Variants in CYP19A1 observed in about 807,000 individuals in gnomAD.
CYP19A1 encodes the protein aromatase.
A neutral mutation model predicts 44.4 loss-of-function variants in CYP19A1; 32 were observed. The ratio of observed to expected loss-of-function variants is 0.72; its 90% confidence interval spans 0.54 to 0.97. The LOEUF is 0.97. Among genes scored for constraint, CYP19A1 ranks in the 50% least tolerant of loss-of-function variants. The probability of loss-of-function intolerance (pLI) is 0.00; values close to 1 mark genes in which losing one functional copy is unlikely to be tolerated. For synonymous variants in CYP19A1, 212 were observed against 215.6 expected (o/e 0.98, Z 0.14); for missense variants, 598 against 637.8 (o/e 0.94, Z 0.67).
At chr15:51,271,944 A>T (rs558992339) in intron 1 of CYP19A1, among the ~76,000 whole-genome samples, 4 of 152,212 alleles carry the variant, frequency 2.6e-5, no homozygotes, top group African/African-American at 9.6e-5. Flanking sequence ...TTATCTGTTC[A>T]CTACATCCAA....
At chr15:51,251,371 C>G (rs528939950) in intron 1 of CYP19A1, among the ~76,000 whole-genome samples, 1 of 152,312 alleles carries the variant, frequency 6.6e-6, no homozygotes, top group Non-Finnish European at 1.5e-5. Flanking sequence ...CAAGATTTGT[C>G]ACACTGCGGT....
chr15:51,291,734 C>T (rs186316477), intron 1 of CYP19A1, among the ~76,000 whole-genome samples: 1 of 152,080 alleles, frequency 6.6e-6, no homozygotes, highest in Admixed American at 6.5e-5. Context: ...CATGGAAACC[C>T]CACGAGTAGG....
At chr15:51,302,991 C>G (rs1011774218) in intron 1 of CYP19A1, among the ~76,000 whole-genome samples, 1 of 152,216 alleles carries the variant, frequency 6.6e-6, no homozygotes, top group Non-Finnish European at 1.5e-5. Context: ...GGCTGGGAGT[C>G]TGCTTCTTCC....
At chr15:51,316,012 A>G (rs1035570792) in intron 1 of CYP19A1, 4 of 152,204 alleles carry the variant, frequency 2.6e-5, no homozygotes, top group African/African-American at 7.2e-5. Flanking sequence ...CATCAAGGAA[A>G]AAGCCCTGAT....
chr15:51,231,631 A>G (rs2033042550), intron 3 of CYP19A1, among the ~76,000 whole-genome samples: 1 of 150,908 alleles, frequency 6.6e-6, no homozygotes, highest in Non-Finnish European at 1.5e-5. Context: ...ATGCGCACAC[A>G]TGTGTGCGCA....
At chr15:51,328,627 T>G (rs2036651850) in intron 1 of CYP19A1, among the ~76,000 whole-genome samples, 1 of 150,072 alleles carries the variant, frequency 6.7e-6, no homozygotes, top group African/African-American at 2.5e-5. Context: ...ACAGCTGGAG[T>G]TGAGAGTCAT....
At chr15:51,226,876 C>T (rs2899473) in intron 4 of CYP19A1, among the ~76,000 whole-genome samples, 17,943 of 152,046 alleles carry the variant, frequency 0.12, 2,112 homozygotes, top group African/African-American at 0.28. Flanking sequence ...ATCATAACTT[C>T]GTTGGAACTT....
chr15:51,235,128 T>G (rs1192730071), intron 3 of CYP19A1, among the ~76,000 whole-genome samples: 1 of 152,182 alleles, frequency 6.6e-6, no homozygotes, highest in African/African-American at 2.4e-5. Flanking sequence ...GTTGTAAAAG[T>G]GACTCAAGTA....
intron 1 of CYP19A1, among the ~76,000 whole-genome samples, chr15:51,329,239 G>T (rs1169665605): frequency 6.6e-6 from 1 of 152,092 alleles, no homozygotes; most frequent in East Asian, 1.9e-4. Flanking sequence ...GGCCACAACA[G>T]CCCTTGGTTC....
In CYP19A1 at chr15:51,212,353, G is replaced by C. The variant is rs775991900; in HGVS notation, c.1230C>G (p.Pro410=). The C allele has an allele frequency of 4.4e-6, 7 of 1,600,544 alleles. No individual in the cohort carries two copies. In the South Asian group the frequency reaches 7.7e-5, roughly 18 times the overall value. The change falls in exon 9 of 10, where the codon CCC becomes CCG. Residue 410 remains proline, a synonymous_variant. Coordinates refer to ENST00000396402, the MANE Select transcript of CYP19A1 (RefSeq NM_000103.4). The stretch of plus-strand genomic sequence containing the variant: ...CAAAATTTTCAAGAGTAAATTCATT[G>C]GGTTTGGGGAAAAACTCGAGTCTGT... ...RMHRLEFFPK[P]NEFTLENFAK... is the part of the protein sequence containing the mutation.
chr15:51,298,592 C>G (rs2036047265), intron 1 of CYP19A1, among the ~76,000 whole-genome samples: 1 of 152,198 alleles, frequency 6.6e-6, no homozygotes, highest in African/African-American at 2.4e-5. Flanking sequence ...AAGGACTCTT[C>G]TAGCTTGGCC....
intron 1 of CYP19A1, among the ~76,000 whole-genome samples, chr15:51,331,397 A>C (rs191156246): frequency 6.6e-6 from 1 of 152,306 alleles, no homozygotes; most frequent in East Asian, 1.9e-4. Flanking sequence ...CAGCCAAGAC[A>C]TTCCTCCTCT....
intron 1 of CYP19A1, among the ~76,000 whole-genome samples, chr15:51,282,034 G>T (rs1042782510): frequency 1.3e-5 from 2 of 152,218 alleles, no homozygotes; most frequent in African/African-American, 4.8e-5. Flanking sequence ...CTTGCCCCTT[G>T]TTGGTTCCCT....
intron 1 of CYP19A1, among the ~76,000 whole-genome samples, chr15:51,272,283 C>T (rs2035155601): frequency 6.6e-6 from 1 of 152,148 alleles, no homozygotes; most frequent in Admixed American, 6.5e-5. Flanking sequence ...TTAGACTAGC[C>T]CCAAAGAGCA....
chr15:51,275,630 C>T (rs1413503944), intron 1 of CYP19A1, among the ~76,000 whole-genome samples: 2 of 152,156 alleles, frequency 1.3e-5, no homozygotes, highest in Non-Finnish European at 2.9e-5. Flanking sequence ...CAAAACTGCA[C>T]GTTGTAAATT....
rs1439060447 is a variant in CYP19A1 at position 51,209,180 on chromosome 15, A to G, written c.*1628T>C. ...TCCAAATAATTCCAAGCTCAAATAA[A>G]TGTTTTATTCTTTACTAATGTCCAT... On this transcript the variant is annotated 3_prime_UTR_variant, in exon 10 of 10. Transcript: ENST00000396402. The G allele has an allele frequency of 1.3e-5, 2 of 152,168 alleles. No homozygotes were observed. The highest frequency in any genetic ancestry group is 2.9e-5 in the Non-Finnish European group (2 of 68,020). The allele number at this position is 152,168 out of a possible 1,614,324, so 9.4% of individuals were successfully genotyped here.
intron 4 of CYP19A1, among the ~76,000 whole-genome samples, chr15:51,226,717 T>C (rs571117880): frequency 1.1e-4 from 16 of 151,480 alleles, no homozygotes; most frequent in African/African-American, 3.4e-4. Flanking sequence ...TCTTTCTTTA[T>C]GCTTGATAGT....
At chr15:51,301,591 T>A (rs2036115597) in intron 1 of CYP19A1, among the ~76,000 whole-genome samples, 1 of 152,214 alleles carries the variant, frequency 6.6e-6, no homozygotes, top group Non-Finnish European at 1.5e-5. Flanking sequence ...CCTTCCCTAC[T>A]TTTTCTGGCC....
intron 2 of CYP19A1, 121 bp downstream of exon 2, chr15:51,242,647 A>G: frequency 1.4e-6 from 1 of 705,400 alleles, no homozygotes; most frequent in South Asian, 1.5e-5. Flanking sequence ...TAACACAGAC[A>G]TAGTCTTCAG....
Sources: allele counts gnomAD v4.1 joint callset (sites outside exome capture counted in the v4.1 genomes callset), GRCh38; gene constraint gnomAD v4.1.1; transcripts MANE v1.5; gene names NCBI Gene and HGNC (gene_info 2026-07-23, HGNC 2026-07-21).